Variants in KCNH8 observed in about 807,000 individuals in gnomAD.
KCNH8 encodes voltage-gated delayed rectifier potassium channel KCNH8.
In KCNH8, 70 loss-of-function variants were observed where a neutral mutation model predicts 103.6. The ratio of observed to expected loss-of-function variants is 0.68; its 90% CI spans 0.56 to 0.82. KCNH8 has a LOEUF of 0.82. Ranked by LOEUF, KCNH8 falls within the 40% of genes least tolerant of loss-of-function variation. KCNH8 has a pLI of 0.00. For synonymous variants in KCNH8, 498 were observed against 489.4 expected (o/e 1.02, Z -0.23); for missense variants, 1,217 against 1,329.9 (o/e 0.92, Z 1.32).
intron 5 of KCNH8, among the ~76,000 whole-genome samples, chr3:19,355,516 A>T (rs2125325573): frequency 6.6e-6 from 1 of 152,272 alleles, no homozygotes; most frequent in East Asian, 1.9e-4. Flanking sequence ...GGATTAAGAA[A>T]ATGTGGCACA....
intron 5 of KCNH8, among the ~76,000 whole-genome samples, chr3:19,370,674 A>G (rs1051850518): frequency 1.3e-5 from 2 of 152,124 alleles, no homozygotes; most frequent in African/African-American, 2.4e-5. Flanking sequence ...TTATTTACAT[A>G]TGTATACATG....
At chr3:19,356,626 T>C (rs936035439) in intron 5 of KCNH8, among the ~76,000 whole-genome samples, 2 of 151,950 alleles carry the variant, frequency 1.3e-5, no homozygotes, top group Non-Finnish European at 2.9e-5. Context: ...CAAAGCCTTA[T>C]AGAAACTTAA....
chr3:19,361,984 G>A (rs753664034), intron 5 of KCNH8, among the ~76,000 whole-genome samples: 29 of 152,164 alleles, frequency 1.9e-4, no homozygotes, highest in Non-Finnish European at 1.2e-4. Context: ...AACCCTGAAT[G>A]TTTCATTTGT....
intron 3 of KCNH8, among the ~76,000 whole-genome samples, chr3:19,336,879 A>C (rs1298036357): frequency 1.3e-5 from 2 of 152,036 alleles, no homozygotes; most frequent in Non-Finnish European, 2.9e-5. Context: ...GATATGAGAG[A>C]AAGTGGAAAG....
chr3:19,409,843 C>G (rs1384218736), intron 7 of KCNH8, among the ~76,000 whole-genome samples: 1 of 152,078 alleles, frequency 6.6e-6, no homozygotes, highest in Non-Finnish European at 1.5e-5. Context: ...TATGTACACA[C>G]CAAACACAGG....
intron 4 of KCNH8, 138 bp from the exon 5 acceptor site, chr3:19,347,587 C>T (rs1422506101): frequency 2.0e-6 from 2 of 1,010,162 alleles, no homozygotes; most frequent in Non-Finnish European, 2.9e-6. Context: ...TTTGCGTCAC[C>T]AACTTTTAAA....
At chr3:19,234,688 T>TC (rs71055058) in intron 1 of KCNH8, among the ~76,000 whole-genome samples, 152,374 of 152,374 alleles carry the variant, frequency 1, 76,187 homozygotes, top group Non-Finnish European at 1. Flanking sequence ...AGAAAGGGGC[T>TC]CCACAGTGCA....
At chr3:19,514,567 G>A (rs2125243675) in intron 13 of KCNH8, among the ~76,000 whole-genome samples, 1 of 150,938 alleles carries the variant, frequency 6.6e-6, no homozygotes, top group Non-Finnish European at 1.5e-5. Context: ...GATTACAGGT[G>A]ATTTTTATTT....
At chr3:19,370,166 C>T (rs1211948684) in intron 5 of KCNH8, among the ~76,000 whole-genome samples, 1 of 152,064 alleles carries the variant, frequency 6.6e-6, no homozygotes, top group East Asian at 1.9e-4. Flanking sequence ...CAAGCTTCAC[C>T]TCCCAAGTCT....
At chr3:19,410,766 A>C (rs1033939352) in intron 7 of KCNH8, among the ~76,000 whole-genome samples, 9 of 151,924 alleles carry the variant, frequency 5.9e-5, no homozygotes, top group Non-Finnish European at 1.0e-4. Flanking sequence ...AGAGGAAATG[A>C]ATAAATTCTT....
intron 2 of KCNH8, among the ~76,000 whole-genome samples, chr3:19,269,510 A>G (rs1361731388): frequency 1.3e-5 from 2 of 151,962 alleles, no homozygotes; most frequent in African/African-American, 2.4e-5. Flanking sequence ...AGATTGTTAC[A>G]CTCTGTATAA....
intron 1 of KCNH8, among the ~76,000 whole-genome samples, chr3:19,175,978 G>A (rs1028905852): frequency 3.9e-5 from 6 of 152,096 alleles, no homozygotes; most frequent in African/African-American, 1.4e-4. Context: ...TGGGAGTTTA[G>A]GATCAATTTA....
At position 19,515,447 on chromosome 3, in the gene KCNH8, C is replaced by T. The variant is rs2068858290; in HGVS notation, c.2542+19C>T. 3 of 1,265,040 alleles carry T rather than the reference C, an allele frequency of 2.4e-6. No homozygotes were observed. The highest frequency in any genetic ancestry group is 3.3e-6 in the Non-Finnish European group (3 of 922,788). 78.4% of individuals were successfully genotyped at this position (1,265,040 alleles called of 1,614,324 possible). ...CTTGGAGGTAAGATCTATATTTAGT[C>T]TTCTCCTAAGGTAAAATATTTCTTA... On this transcript the variant is annotated intron_variant, in intron 14 of 15. Transcript: ENST00000328405.
intron 3 of KCNH8, among the ~76,000 whole-genome samples, chr3:19,285,639 A>G (rs951329482): frequency 9.9e-5 from 15 of 152,116 alleles, no homozygotes; most frequent in Non-Finnish European, 1.9e-4. Context: ...ACTCTGTGAA[A>G]TAAGTATTAT....
At chr3:19,470,272 C>A (rs555918401) in intron 11 of KCNH8, among the ~76,000 whole-genome samples, 1 of 152,142 alleles carries the variant, frequency 6.6e-6, no homozygotes, top group African/African-American at 2.4e-5. Flanking sequence ...AACACATGCA[C>A]ACATACCACA....
At chr3:19,172,668 C>T (rs1010782276) in intron 1 of KCNH8, among the ~76,000 whole-genome samples, 3 of 152,074 alleles carry the variant, frequency 2.0e-5, no homozygotes, top group African/African-American at 7.2e-5. Flanking sequence ...GAGATATTGA[C>T]CTCAGCTCCA....
chr3:19,364,793 A>G (rs1256870425), intron 5 of KCNH8, among the ~76,000 whole-genome samples: 2 of 152,150 alleles, frequency 1.3e-5, no homozygotes, highest in East Asian at 3.9e-4. Flanking sequence ...TTAAGCAAAG[A>G]TTAAAATTGC....
intron 11 of KCNH8, among the ~76,000 whole-genome samples, chr3:19,461,390 T>C (rs1193875665): frequency 6.6e-6 from 1 of 152,182 alleles, no homozygotes; most frequent in South Asian, 2.1e-4. Context: ...ACTGTGACTT[T>C]CAGGGGAACT....
rs184733376 is a variant in KCNH8, at chr3:19,265,051, C to G, written c.310+11164C>G. 9.2e-5 allele frequency among the ~76,000 whole-genome samples: 14 copies of G among 152,168 alleles called. No individual in the cohort carries two copies. In the East Asian group the frequency reaches 2.7e-3, roughly 30 times the overall value. ...AGGCATGCCAGGCACTATACATACC[C>G]CTTGGGGTGAGTGATTGACAAACTA... is the stretch of plus-strand genomic sequence containing the variant. On this transcript the variant is annotated intron_variant, in intron 2 of 15. Transcript: ENST00000328405.
Sources: gnomAD v4.1 joint callset for allele counts (sites outside exome capture counted in the v4.1 genomes callset) on GRCh38, gnomAD v4.1.1 for gene constraint, MANE v1.5 for transcripts, NCBI Gene and HGNC (gene_info 2026-07-23, HGNC 2026-07-21) for gene names.